ARHGAP15: variants seen among roughly 807,000 people sequenced by gnomAD.
ARHGAP15 encodes rho GTPase-activating protein 15.
A neutral mutation model predicts 63.7 loss-of-function variants in ARHGAP15; 51 were observed. That is an observed-to-expected ratio of 0.80 (90% CI 0.64 to 1.01). The LOEUF (loss-of-function observed/expected upper bound fraction) is 1.01. ARHGAP15 is among the 50% of genes least tolerant of loss of function. The pLI is 0.00. For synonymous variants in ARHGAP15, 191 were observed against 193.8 expected (o/e 0.99, Z 0.12); for missense variants, 560 against 564.6 (o/e 0.99, Z 0.08).
At chr2:143,248,798 TAC>T (rs1228819938) in intron 5 of ARHGAP15, among the ~76,000 whole-genome samples, 1 of 152,232 alleles carries the variant, frequency 6.6e-6, no homozygotes, top group African/African-American at 2.4e-5. Context: ...CTCTCTATGA[TAC>T]AGAGGTTATA....
chr2:143,395,040 T>C (rs1043470831), intron 6 of ARHGAP15, among the ~76,000 whole-genome samples: 1 of 152,138 alleles, frequency 6.6e-6, no homozygotes, highest in African/African-American at 2.4e-5. Context: ...GATCACCTAC[T>C]ACCACATTTA....
intron 6 of ARHGAP15, among the ~76,000 whole-genome samples, chr2:143,306,800 T>C (rs908366699): frequency 2.6e-5 from 4 of 152,102 alleles, no homozygotes; most frequent in African/African-American, 9.7e-5. Flanking sequence ...TTCCCCCAAA[T>C]CCCACCAACT....
At chr2:143,694,098 T>A (rs922812327) in intron 12 of ARHGAP15, among the ~76,000 whole-genome samples, 7 of 152,182 alleles carry the variant, frequency 4.6e-5, no homozygotes, top group Admixed American at 4.6e-4. Flanking sequence ...TTAACTATAA[T>A]GAAAGAATGT....
At chr2:143,659,256 T>C (rs1681617245) in intron 12 of ARHGAP15, among the ~76,000 whole-genome samples, 1 of 152,136 alleles carries the variant, frequency 6.6e-6, no homozygotes, top group Admixed American at 6.5e-5. Context: ...GGGATAACAA[T>C]AACTAAAATT....
At chr2:143,217,048 G>A (rs567754565) in intron 4 of ARHGAP15, among the ~76,000 whole-genome samples, 2 of 152,206 alleles carry the variant, frequency 1.3e-5, no homozygotes, top group South Asian at 4.1e-4. Flanking sequence ...TAGAATTTTT[G>A]CTATTTCTCG....
chr2:143,346,236 TCACA>T (rs1050451199), intron 6 of ARHGAP15, among the ~76,000 whole-genome samples: 1 of 82,548 alleles, frequency 1.2e-5, no homozygotes, highest in Non-Finnish European at 2.7e-5. Context: ...ACACTCTCTC[TCACA>T]CACACACACT....
chr2:143,377,223 A>G (rs1373159765), intron 6 of ARHGAP15, among the ~76,000 whole-genome samples: 1 of 152,068 alleles, frequency 6.6e-6, no homozygotes, highest in East Asian at 1.9e-4. Flanking sequence ...ATGAAGTTAT[A>G]TACTGTACAA....
chr2:143,132,164 A>G lies in ARHGAP15; in HGVS notation c.-15+2698A>G, dbSNP rs577176084. Among the ~76,000 whole-genome samples the G allele has an allele frequency of 9.8e-4, 150 of 152,360 alleles. 1 individual carries two copies. In the Middle Eastern group the frequency reaches 0.01, roughly 10 times the overall value. The stretch of plus-strand genomic sequence containing the variant: ...AGCATATTTTTTACACTGTACAATA[A>G]ATGCTACATAATTAGACTTTAAAAT... On this transcript the variant is annotated intron_variant, in intron 1 of 13. Transcript: ENST00000295095.
intron 11 of ARHGAP15, among the ~76,000 whole-genome samples, chr2:143,590,942 GCT>G (rs146715937): frequency 9.3e-5 from 14 of 150,436 alleles, no homozygotes; most frequent in Non-Finnish European, 8.9e-5. Context: ...ATGTATCTTT[GCT>G]CTCTCTCTCT....
intron 12 of ARHGAP15, among the ~76,000 whole-genome samples, chr2:143,635,831 GATATAT>G (rs1014150437): frequency 2.0e-5 from 3 of 151,278 alleles, no homozygotes; most frequent in East Asian, 1.9e-4. Context: ...GATGACAGCA[GATATAT>G]ATATATATTT....
intron 12 of ARHGAP15, among the ~76,000 whole-genome samples, chr2:143,703,217 G>A (rs1247467392): frequency 6.6e-6 from 1 of 152,084 alleles, no homozygotes; most frequent in Non-Finnish European, 1.5e-5. Context: ...CCTCCCAGAA[G>A]GCCTGCCACT....
rs1687559547 is a variant in ARHGAP15, at chr2:143,392,048, C to T, written c.475-43553C>T. On this transcript the variant is annotated intron_variant, in intron 6 of 13. Coordinates refer to ENST00000295095, the MANE Select transcript of ARHGAP15 (RefSeq NM_018460.4). ...TGACAAAAAAAACAAAAAAAGGTGACAGGAATGAATTAGGTAACAGGGACC... is the reference window on the plus strand; with the variant it reads ...TGACAAAAAAAACAAAAAAAGGTGATAGGAATGAATTAGGTAACAGGGACC... Among the ~76,000 whole-genome samples the T allele has an allele frequency of 2.0e-5, 3 of 152,066 alleles. No individual in the cohort carries two copies. The South Asian group carries it at 6.2e-4, about 32-fold the overall frequency.
chr2:143,477,266 C>T (rs1691865070), intron 8 of ARHGAP15, among the ~76,000 whole-genome samples: 1 of 151,752 alleles, frequency 6.6e-6, no homozygotes, highest in African/African-American at 2.4e-5. Flanking sequence ...ACAACAGATG[C>T]ATAGTGAATG....
chr2:143,186,359 T>G (rs1356564826), intron 2 of ARHGAP15, among the ~76,000 whole-genome samples: 1 of 152,208 alleles, frequency 6.6e-6, no homozygotes, highest in Non-Finnish European at 1.5e-5. Flanking sequence ...CAGTTTTTGT[T>G]TTAAGAGTTT....
intron 8 of ARHGAP15, among the ~76,000 whole-genome samples, chr2:143,452,817 T>C: frequency 6.6e-6 from 1 of 152,070 alleles, no homozygotes; most frequent in African/African-American, 2.4e-5. Context: ...CTATAATTTA[T>C]CCTAATAAAT....
intron 8 of ARHGAP15, among the ~76,000 whole-genome samples, chr2:143,442,474 G>A (rs13010737): frequency 0.37 from 55,670 of 151,888 alleles, 11,163 homozygotes; most frequent in East Asian, 0.79. Flanking sequence ...GACTCAGAAT[G>A]GCTTTTGCTT....
At chr2:143,423,823 G>A (rs547817585) in intron 6 of ARHGAP15, among the ~76,000 whole-genome samples, 1 of 152,236 alleles carries the variant, frequency 6.6e-6, no homozygotes, top group East Asian at 1.9e-4. Context: ...ATGGTCCTAT[G>A]ATGTAGGTAT....
intron 12 of ARHGAP15, among the ~76,000 whole-genome samples, chr2:143,681,557 G>A (rs576443608): frequency 6.6e-6 from 1 of 152,310 alleles, no homozygotes; most frequent in South Asian, 2.1e-4. Flanking sequence ...GGCCATAAAA[G>A]TCTTCATCAC....
At chr2:143,608,411 C>G (rs1295239453) in intron 11 of ARHGAP15, 1 of 152,104 alleles carries the variant, frequency 6.6e-6, no homozygotes, top group Non-Finnish European at 1.5e-5. Flanking sequence ...TGTCAGTAAG[C>G]AGAACCAGTT....
Sources: gnomAD v4.1 joint callset for allele counts (sites outside exome capture counted in the v4.1 genomes callset) on GRCh38, gnomAD v4.1.1 for gene constraint, MANE v1.5 for transcripts, NCBI Gene and HGNC (gene_info 2026-07-23, HGNC 2026-07-21) for gene names.